PCNX2: variants seen among roughly 807,000 people sequenced by gnomAD.
PCNX2 encodes pecanex-like protein 2.
In PCNX2, 168 loss-of-function variants were observed where a neutral mutation model predicts 223.8. The ratio of observed to expected loss-of-function variants is 0.75; its 90% CI spans 0.66 to 0.85. The LOEUF (loss-of-function observed/expected upper bound fraction) is 0.85, where lower values mean the gene tolerates loss of function less well. Ranked by LOEUF, PCNX2 falls within the 40% of genes least tolerant of loss-of-function variation. The pLI is 0.00. For missense variants in PCNX2, 2,507 were observed against 2,675.5 expected (o/e 0.94, Z 1.39); for synonymous variants, 1,006 against 1,052.6 (o/e 0.96, Z 0.86).
At chr1:233,220,187 A>C (rs896055279) in intron 10 of PCNX2, among the ~76,000 whole-genome samples, 2 of 151,982 alleles carry the variant, frequency 1.3e-5, no homozygotes, top group African/African-American at 4.8e-5. Flanking sequence ...TTGCCTTTTG[A>C]TGGATATCTT....
chr1:232,989,827 A>G (rs1278941918), intron 32 of PCNX2, among the ~76,000 whole-genome samples: 19 of 152,228 alleles, frequency 1.2e-4, no homozygotes. Flanking sequence ...ATTAATCAAT[A>G]TCTTGACTAG....
chr1:233,097,923 C>T (rs1387957861), intron 21 of PCNX2, among the ~76,000 whole-genome samples: 1 of 152,166 alleles, frequency 6.6e-6, no homozygotes, highest in East Asian at 1.9e-4. Flanking sequence ...GGGTTACCAA[C>T]CAGGGCAAAA....
In PCNX2 at chr1:233,160,354, T is replaced by C. The variant is rs895372483; in HGVS notation, c.3446A>G (p.Lys1149Arg). The change falls in exon 19 of 34, where the codon AAG (lysine) becomes AGG (arginine). Residue 1149 changes from lysine to arginine, a missense_variant. Lys to Arg is a conservative substitution (Grantham distance 26). Coordinates refer to ENST00000258229, the MANE Select transcript of PCNX2 (RefSeq NM_014801.4). ...VTHYVLPQLRKHHPWMWISHP... is the reference protein window; with the variant it reads ...VTHYVLPQLRRHHPWMWISHP... ...TGAAATCCACATCCAGGGATGATGCTTGCGGAGCTGAGGGAGCACGTAATG... is the reference window on the plus strand; with the variant it reads ...TGAAATCCACATCCAGGGATGATGCCTGCGGAGCTGAGGGAGCACGTAATG... 9.3e-6 allele frequency: 15 copies of C among 1,613,650 alleles called. No homozygotes were observed. Among genetic ancestry groups the C allele is most frequent in the African/African-American group, 4.0e-5 (3 of 74,906 alleles).
chr1:233,017,349 G>T (rs547884222), intron 26 of PCNX2, among the ~76,000 whole-genome samples, 195 bp from the exon 27 acceptor site: 1 of 110,004 alleles, frequency 9.1e-6, no homozygotes, highest in Non-Finnish European at 1.7e-5. Context: ...ACGGAGTCTT[G>T]CTCTGTCACC....
chr1:233,108,895 CT>C, intron 21 of PCNX2, among the ~76,000 whole-genome samples: 1 of 152,258 alleles, frequency 6.6e-6, no homozygotes, highest in East Asian at 1.9e-4. Flanking sequence ...GTCCCACCCC[CT>C]GCCACCAAGG....
At chr1:233,136,044 C>T (rs1676784063) in intron 20 of PCNX2, among the ~76,000 whole-genome samples, 1 of 152,202 alleles carries the variant, frequency 6.6e-6, no homozygotes, top group Non-Finnish European at 1.5e-5. Context: ...CAACAATGAA[C>T]AATCCATCTT....
chr1:233,237,054 A>T, intron 8 of PCNX2, 74 bp from the exon 9 acceptor site: 1 of 1,578,828 alleles, frequency 6.3e-7, no homozygotes, highest in South Asian at 1.1e-5. Flanking sequence ...ACACAAACAC[A>T]AGGACAATAG....
chr1:233,057,342 G>A (rs1672231012), intron 23 of PCNX2, 52 bp from the exon 24 acceptor site: 1 of 1,438,246 alleles, frequency 7.0e-7, no homozygotes. Context: ...CCCCCAAGCA[G>A]AAGAGTTGGT....
intron 9 of PCNX2, among the ~76,000 whole-genome samples, chr1:233,231,233 A>C (rs188727800): frequency 1.3e-5 from 2 of 152,272 alleles, no homozygotes; most frequent in Non-Finnish European, 2.9e-5. Context: ...GTAAAGAGAA[A>C]GCTACCTTCA....
intron 12 of PCNX2, chr1:233,211,713 C>T: frequency 1.1e-6 from 1 of 931,260 alleles, no homozygotes; most frequent in African/African-American, 1.8e-5. Context: ...CATGGGGAGG[C>T]ATGCATGTGG....
At chr1:233,314,231 TAGAG>T in the PCNX2 span, among the ~76,000 whole-genome samples, 256 of 151,918 alleles carry the variant, frequency 1.7e-3, 2 homozygotes, top group African/African-American at 6.0e-3. Context: ...CATATATATT[TAGAG>T]AGAGAGAGAG....
Position 233,295,207 on chromosome 1 carries a change from C to G in PCNX2, c.153+119G>C. ...CAAATTTCTGAAGCCCCTCCCTTTC[C>G]GTCTCTTAAGAATCTCTACGAACCC... On this transcript the variant is annotated intron_variant, in intron 1 of 33. Coordinates refer to ENST00000258229, the MANE Select transcript of PCNX2 (RefSeq NM_014801.4). The surrounding 1 kb of genome is among the most constrained non-coding windows in gnomAD (Gnocchi z 4.1). 7.2e-7 allele frequency: 1 copy of G among 1,388,458 alleles called. No homozygotes were observed. The allele number at this position is 1,388,458 out of a possible 1,614,324, so 86.0% of individuals were successfully genotyped here. A position where few individuals can be genotyped will look rare whatever the true frequency, so the allele number is the denominator to read the frequency against.
chr1:233,172,438 C>A, intron 17 of PCNX2: 1 of 985,436 alleles, frequency 1.0e-6, no homozygotes, highest in Non-Finnish European at 1.2e-6. Context: ...CTTATGACTT[C>A]TCAAGGATTC....
chr1:233,046,057 T>C (rs1282462268), intron 25 of PCNX2, among the ~76,000 whole-genome samples: 2 of 152,254 alleles, frequency 1.3e-5, no homozygotes, highest in African/African-American at 4.8e-5. Context: ...TGCATCCCTT[T>C]CAGGGAGAGG....
At chr1:233,292,940 A>G (rs1661858068) in intron 1 of PCNX2, among the ~76,000 whole-genome samples, 1 of 152,172 alleles carries the variant, frequency 6.6e-6, no homozygotes, top group South Asian at 2.1e-4. Flanking sequence ...TTTTTTTTAA[A>G]GTCTGATATA....
At chr1:233,114,945 C>G (rs991749408) in intron 21 of PCNX2, among the ~76,000 whole-genome samples, 1 of 152,108 alleles carries the variant, frequency 6.6e-6, no homozygotes, top group African/African-American at 2.4e-5. Context: ...CATCCCCTCA[C>G]GGCTCTGGTA....
intron 21 of PCNX2, among the ~76,000 whole-genome samples, chr1:233,128,142 C>T (rs1300971948): frequency 6.6e-6 from 1 of 152,134 alleles, no homozygotes; most frequent in Non-Finnish European, 1.5e-5. Flanking sequence ...CAACCTCATA[C>T]ATTAATTTTC....
chr1:233,269,710 T>C (rs777259760), intron 1 of PCNX2, among the ~76,000 whole-genome samples: 1 of 152,196 alleles, frequency 6.6e-6, no homozygotes, highest in Non-Finnish European at 1.5e-5. Context: ...GCCTAATAAA[T>C]GAAGCATTAA....
chr1:233,289,996 T>C (rs556551514), intron 1 of PCNX2, among the ~76,000 whole-genome samples: 2 of 150,958 alleles, frequency 1.3e-5, no homozygotes, highest in African/African-American at 2.4e-5. Flanking sequence ...ATGTTAAAAG[T>C]AGGAGAGGAA....
Sources: gnomAD v4.1 joint callset for allele counts (sites outside exome capture counted in the v4.1 genomes callset) on GRCh38, gnomAD v4.1.1 for gene constraint, Gnocchi (gnomAD v3.1) non-coding constraint, MANE v1.5 for transcripts, NCBI Gene and HGNC (gene_info 2026-07-23, HGNC 2026-07-21) for gene names.